The following BLOC1S3 variants were observed in gnomAD, a reference collection of about 807,000 sequenced individuals.
BLOC1S3 encodes biogenesis of lysosomal organelles complex 1 subunit 3.
Under a neutral mutation model 9.1 loss-of-function variants are expected in BLOC1S3, and 7 were observed. The observed-to-expected ratio is 0.77, with a 90% CI of 0.44 to 1.45. The LOEUF (loss-of-function observed/expected upper bound fraction) is 1.45, where lower values mean the gene tolerates loss of function less well. Ranked by LOEUF, BLOC1S3 falls within the 40% of genes most tolerant of loss-of-function variation. BLOC1S3 has a pLI of 0.01. For synonymous variants in BLOC1S3, 145 were observed against 158.4 expected, an observed-to-expected ratio of 0.92 and a Z score of 0.64; for missense variants, 307 against 315.2, an observed-to-expected ratio of 0.97 and a Z score of 0.20.
At chr19:45,213,097 G>T in intron 3 of BLOC1S3, 1 of 1,527,154 alleles carries the variant, frequency 6.5e-7, no homozygotes, top group Non-Finnish European at 8.8e-7. Flanking sequence ...TCGCGCTAGA[G>T]ACGGAGGCCG....
At chr19:45,189,346 C>A (rs1969587879) in intron 2 of BLOC1S3, among the ~76,000 whole-genome samples, 1 of 152,078 alleles carries the variant, frequency 6.6e-6, no homozygotes, top group East Asian at 1.9e-4. Context: ...TTATTTGTTA[C>A]TTCTGTCTTG....
intron 2 of BLOC1S3, among the ~76,000 whole-genome samples, chr19:45,202,059 T>C (rs1969695163): frequency 6.6e-6 from 1 of 151,474 alleles, no homozygotes; most frequent in Non-Finnish European, 1.5e-5. Context: ...CCGTCTCTAC[T>C]AAAAACTACA....
At chr19:45,191,551 C>T (rs976293946) in intron 2 of BLOC1S3, among the ~76,000 whole-genome samples, 7 of 152,214 alleles carry the variant, frequency 4.6e-5, no homozygotes, top group African/African-American at 1.7e-4. Flanking sequence ...CTTGTCTGTA[C>T]TCATCCTTCT....
intron 3 of BLOC1S3, chr19:45,212,846 G>A (rs1317857402): frequency 1.5e-5 from 7 of 476,864 alleles, no homozygotes; most frequent in South Asian, 4.7e-5. Flanking sequence ...GCAATCCTCC[G>A]GCCTCAGCCT....
intron 2 of BLOC1S3, among the ~76,000 whole-genome samples, chr19:45,192,456 C>T (rs905618919): frequency 6.6e-6 from 1 of 152,102 alleles, no homozygotes; most frequent in Admixed American, 6.6e-5. Flanking sequence ...ACAAAGGCCC[C>T]TTTACTCTTC....
chr19:45,210,013 G>A (rs1032568924), intron 3 of BLOC1S3, among the ~76,000 whole-genome samples: 4 of 151,926 alleles, frequency 2.6e-5, no homozygotes, highest in Non-Finnish European at 5.9e-5. Flanking sequence ...GATTACAGGC[G>A]TGAGCCATTG....
chr19:45,196,881 A>G (rs1969652335), intron 2 of BLOC1S3, among the ~76,000 whole-genome samples: 1 of 147,540 alleles, frequency 6.8e-6, no homozygotes, highest in South Asian at 2.2e-4. Flanking sequence ...AGCCTGGGCA[A>G]CAGAGCAAGA....
chr19:45,196,119 A>G (rs1164268887), intron 2 of BLOC1S3, among the ~76,000 whole-genome samples: 1 of 152,230 alleles, frequency 6.6e-6, no homozygotes, highest in African/African-American at 2.4e-5. Flanking sequence ...AAAGAAACAC[A>G]TTTCCAGATG....
At chr19:45,213,759 A>G (rs1208701113) in intron 3 of BLOC1S3, among the ~76,000 whole-genome samples, 1 of 151,910 alleles carries the variant, frequency 6.6e-6, no homozygotes, top group African/African-American at 2.4e-5. Context: ...AGCCTGGCCA[A>G]CATGGCGAAA....
chr19:45,193,775 A>G (rs1599752303), intron 2 of BLOC1S3, among the ~76,000 whole-genome samples: 1 of 133,658 alleles, frequency 7.5e-6, no homozygotes, highest in Non-Finnish European at 1.6e-5. Context: ...TGAAGTTTCT[A>G]TTCCATTTTT....
downstream of BLOC1S3, among the ~76,000 whole-genome samples, chr19:45,183,176 G>A (rs138993512): frequency 3.9e-5 from 6 of 152,142 alleles, no homozygotes; most frequent in African/African-American, 1.4e-4. Context: ...ATAAAGGTGA[G>A]CTTTAAAAAA....
chr19:45,190,032 T>C (rs906265954), intron 2 of BLOC1S3, among the ~76,000 whole-genome samples: 2 of 151,904 alleles, frequency 1.3e-5, no homozygotes, highest in African/African-American at 4.8e-5. Flanking sequence ...TTTTCTAAGA[T>C]AGAGAAAGGG....
At position 45,181,390 on chromosome 19, in the gene BLOC1S3, T is replaced by G. The variant is rs1161324626; in HGVS notation, c.*1485T>G. On this transcript the variant is annotated 3_prime_UTR_variant, in exon 2 of 2. Transcript: ENST00000433642. ...AAGATGATGCTCGCTCTCAACTCTG[T>G]AGGCCAAGGTGGCGTCTCCTCTTGA... is the stretch of plus-strand genomic sequence containing the variant. 6.0e-6 allele frequency: 1 copy of G among 167,166 alleles called. No individual in the cohort carries two copies. Among genetic ancestry groups the G allele is most frequent in the East Asian group, 1.9e-4 (1 of 5,204 alleles). The allele number at this position is 167,166 out of a possible 1,614,324, so 10.4% of individuals were successfully genotyped here. A position where few individuals can be genotyped will look rare whatever the true frequency, so the allele number is the denominator to read the frequency against.
At chr19:45,210,434 G>A (rs1322547986) in intron 3 of BLOC1S3, among the ~76,000 whole-genome samples, 20 of 150,720 alleles carry the variant, frequency 1.3e-4, no homozygotes, top group Admixed American at 1.2e-3. Context: ...TGGAGTAGCT[G>A]GGATTATAGA....
At chr19:45,182,803 C>T (rs778759540), downstream of BLOC1S3, among the ~76,000 whole-genome samples, 45 of 152,190 alleles carry the variant, frequency 3.0e-4, no homozygotes, top group Non-Finnish European at 5.1e-4. Flanking sequence ...CAGGCATGAG[C>T]CACTGCACCC....
At position 45,179,183 on chromosome 19, in the gene BLOC1S3, C is replaced by G; in HGVS notation, c.-9-105C>G. ...GGCCCAGACGGGGAGCAGCTGACAC[C>G]AAGTCGTTAAGAGAATCAGCGAAGG... On this transcript the variant is annotated intron_variant, in intron 1 of 1. Coordinates refer to ENST00000433642, the MANE Select transcript of BLOC1S3 (RefSeq NM_212550.5). The surrounding 1 kb of genome is among the most constrained non-coding windows in gnomAD (Gnocchi z 4.6). 7.7e-7 allele frequency: 1 copy of G among 1,293,088 alleles called. No homozygotes were observed. 80.1% of individuals were successfully genotyped at this position (1,293,088 alleles called of 1,614,324 possible). A position where few individuals can be genotyped will look rare whatever the true frequency, so the allele number is the denominator to read the frequency against.
intron 2 of BLOC1S3, among the ~76,000 whole-genome samples, chr19:45,193,150 A>G (rs1969620055): frequency 6.6e-6 from 1 of 150,568 alleles, no homozygotes; most frequent in Admixed American, 6.6e-5. Context: ...AAAAAAAAAA[A>G]AAAAAAAAAA....
At chr19:45,207,977 CT>C (rs538909673) in intron 3 of BLOC1S3, among the ~76,000 whole-genome samples, 4,185 of 141,330 alleles carry the variant, frequency 0.03, 63 homozygotes, top group African/African-American at 0.043. Flanking sequence ...CCACCATGTA[CT>C]TTTTTTTTTT....
At chr19:45,213,228 A>ACGGTCC (rs1236691597) in intron 3 of BLOC1S3, 1 of 1,612,192 alleles carries the variant, frequency 6.2e-7, no homozygotes, top group Non-Finnish European at 8.5e-7. Flanking sequence ...CAAAGAAGGC[A>ACGGTCC]CGGTCCCGAG....
Sources: allele counts gnomAD v4.1 joint callset (sites outside exome capture counted in the v4.1 genomes callset), GRCh38; gene constraint gnomAD v4.1.1; non-coding constraint Gnocchi (gnomAD v3.1); transcripts MANE v1.5; gene names NCBI Gene and HGNC (gene_info 2026-07-23, HGNC 2026-07-21).